The following SCN7A variants were observed in gnomAD, a reference collection of about 807,000 sequenced individuals.
SCN7A encodes the protein sodium channel protein type 7 subunit alpha.
SCN7A carries 138 observed loss-of-function variants against 155.2 expected under a neutral mutation model. The ratio of observed to expected loss-of-function variants is 0.89; its 90% CI spans 0.77 to 1.02. The LOEUF is 1.02. Ranked by LOEUF, SCN7A falls within the 50% of genes least tolerant of loss-of-function variation. SCN7A has a pLI of 0.00. For missense variants in SCN7A, 2,058 were observed against 1,986.6 expected, an observed-to-expected ratio of 1.04 and a Z score of -0.68; for synonymous variants, 693 against 649.0, an observed-to-expected ratio of 1.07 and a Z score of -1.03.
At chr2:166,463,643 T>C (rs910742638) in intron 9 of SCN7A, among the ~76,000 whole-genome samples, 5 of 152,094 alleles carry the variant, frequency 3.3e-5, no homozygotes, top group Non-Finnish European at 5.9e-5. Flanking sequence ...TATTTGAGCT[T>C]GGAATGTACA....
intron 6 of SCN7A, among the ~76,000 whole-genome samples, chr2:166,470,941 CTG>C (rs1178651697): frequency 2.0e-5 from 3 of 151,846 alleles, no homozygotes; most frequent in Admixed American, 6.6e-5. Flanking sequence ...AAGTTTGACA[CTG>C]TGAATGCTCA....
intron 14 of SCN7A, among the ~76,000 whole-genome samples, chr2:166,442,258 T>A (rs746237557): frequency 1.2e-4 from 18 of 152,208 alleles, no homozygotes; most frequent in Non-Finnish European, 1.9e-4. Context: ...TCACTAGATT[T>A]TTTCAAATTT....
intron 2 of SCN7A, 123 bp from the exon 3 acceptor site, chr2:166,477,833 T>A: frequency 1.8e-6 from 1 of 542,798 alleles, no homozygotes; most frequent in Non-Finnish European, 3.0e-6. Context: ...ATTCCTTAGT[T>A]TTGTAGAAAT....
chr2:166,431,120 T>G (rs1258649280), intron 16 of SCN7A, among the ~76,000 whole-genome samples: 3 of 152,060 alleles, frequency 2.0e-5, no homozygotes, highest in Admixed American at 6.6e-5. Flanking sequence ...CACTCCAACA[T>G]GCTGTGCTGT....
chr2:166,405,953 A>G lies in SCN7A; in HGVS notation c.4676T>C (p.Leu1559Pro). ...AGCCATGGGGAGGTCCAAAGCAATG[A>G]GCTGGCCCTTGTTTGGTTTTGCCAT... Reference protein sequence around the residue: ...LFMAKPNKGQLIALDLPMAVG... With the variant: ...LFMAKPNKGQPIALDLPMAVG... The change falls in exon 26 of 26, where the codon CTC becomes CCC. Residue 1559 changes from leucine (L) to proline (P), a missense_variant. Leu to Pro is a moderately conservative substitution (Grantham distance 98). Coordinates refer to ENST00000643258, the MANE Select transcript of SCN7A (RefSeq NM_002976.4). The G allele has an allele frequency of 1.2e-6, 2 of 1,613,014 alleles. No individual in the cohort carries two copies. Among genetic ancestry groups the G allele is most frequent in the Non-Finnish European group, 1.7e-6 (2 of 1,179,382 alleles).
Position 166,410,210 on chromosome 2 carries a change from AT to A in SCN7A, c.3711+9del, listed in dbSNP as rs1559085375. The A allele has an allele frequency of 2.0e-6, 3 of 1,524,348 alleles. No homozygotes were observed. Among genetic ancestry groups the A allele is most frequent in the Non-Finnish European group, 2.7e-6 (3 of 1,130,466 alleles). 94.4% of individuals were successfully genotyped at this position (1,524,348 alleles called of 1,614,324 possible). On this transcript the variant is annotated intron_variant, in intron 24 of 25. Transcript: ENST00000643258. ...CATTGAAGTTTCAAAAAATCTAGACATTTTCTTACTAATGGGCGAGGTACTG... is the reference window on the plus strand; with the variant it reads ...CATTGAAGTTTCAAAAAATCTAGACATTTCTTACTAATGGGCGAGGTACTG...
In SCN7A at chr2:166,427,951, AT is replaced by A. The variant is rs1701659449; in HGVS notation, c.2699-10del. The A allele has an allele frequency of 6.2e-7, 1 of 1,612,188 alleles. No individual in the cohort carries two copies. On this transcript the variant is annotated splice_polypyrimidine_tract_variant and intron_variant, in intron 17 of 25. Transcript: ENST00000643258. ...AGATCCGCGTCTGCAACCTGTCAAG[AT>A]TGAATTGGTAAGAACAACAATCTAG...
chr2:166,425,191 G>C (rs1337019665), intron 18 of SCN7A, among the ~76,000 whole-genome samples: 2 of 152,096 alleles, frequency 1.3e-5, no homozygotes, highest in African/African-American at 4.8e-5. Flanking sequence ...GCCTACAATA[G>C]GGTAGGTGTC....
chr2:166,444,614 G>A (rs1702022917), intron 13 of SCN7A, 148 bp downstream of exon 13: 1 of 591,546 alleles, frequency 1.7e-6, no homozygotes, highest in South Asian at 2.3e-5. Context: ...GAGGGATAAA[G>A]CATAAACACA....
Position 166,419,668 on chromosome 2 carries a change from G to C in SCN7A, c.3135+1522C>G, listed in dbSNP as rs562617880. Among the ~76,000 whole-genome samples the C allele has an allele frequency of 3.3e-5, 5 of 152,082 alleles. No individual in the cohort carries two copies. The South Asian group carries it at 1.0e-3, about 32-fold the overall frequency. ...AGGTGTAAGCCACCGTGCCTAGGCT[G>C]TTTTGTCATTTTAACTTCAATCTTA... On this transcript the variant is annotated intron_variant, in intron 20 of 25. Transcript: ENST00000643258.
Position 166,405,736 on chromosome 2 carries a change from G to A in SCN7A, c.4893C>T (p.Ile1631=). ...KRKQEAVSAT[I]IQRAYKNYRL... ...GGTAATTTTTATAAGCACGTTGAAT[G>A]ATGGTTGCTGAAACTGCCTCTTGTT... Residue 1631 remains isoleucine (I), a synonymous_variant, in exon 26 of 26, where the codon ATC becomes ATT. Transcript: ENST00000643258. The A allele has an allele frequency of 6.2e-7, 1 of 1,613,030 alleles. No homozygotes were observed. The highest frequency in any genetic ancestry group is 8.5e-7 in the Non-Finnish European group (1 of 1,179,320).
At chr2:166,437,102 T>C (rs1455485616) in intron 15 of SCN7A, among the ~76,000 whole-genome samples, 1 of 152,244 alleles carries the variant, frequency 6.6e-6, no homozygotes, top group Non-Finnish European at 1.5e-5. Context: ...GTCAGAGACC[T>C]TGGCAGCAGC....
At chr2:166,443,739 A>C in intron 13 of SCN7A, 63 bp from the exon 14 acceptor site, 1 of 1,218,238 alleles carries the variant, frequency 8.2e-7, no homozygotes, top group South Asian at 1.6e-5. Context: ...GAATCTTCAC[A>C]CACAAAATCT....
At chr2:166,461,950 G>A (rs190746921) in intron 10 of SCN7A, 4 of 153,966 alleles carry the variant, frequency 2.6e-5, no homozygotes, top group East Asian at 1.9e-4. Flanking sequence ...TTAGCCGGGC[G>A]AGGTGGCGTG....
chr2:166,462,614 T>C lies in SCN7A; in HGVS notation c.942-84A>G, dbSNP rs534843494. ...AATCATAAATATAGAACATCAGTCCTGAGTAATAGAGAACTCACGCTTCCA... is the reference window on the plus strand; with the variant it reads ...AATCATAAATATAGAACATCAGTCCCGAGTAATAGAGAACTCACGCTTCCA... On this transcript the variant is annotated intron_variant, in intron 9 of 25. Transcript: ENST00000643258. 8.1e-5 allele frequency: 107 copies of C among 1,322,608 alleles called. 1 individual carries two copies. In the South Asian group the frequency reaches 1.5e-3, roughly 18 times the overall value. 81.9% of individuals were successfully genotyped at this position (1,322,608 alleles called of 1,614,324 possible). A position where few individuals can be genotyped will look rare whatever the true frequency, so the allele number is the denominator to read the frequency against.
Position 166,404,379 on chromosome 2 carries a change from T to C in SCN7A, c.*1201A>G, listed in dbSNP as rs922686582. 2.6e-5 allele frequency: 4 copies of C among 151,878 alleles called. No homozygotes were observed. The highest frequency in any genetic ancestry group is 9.7e-5 in the African/African-American group (4 of 41,376). The allele number at this position is 151,878 out of a possible 1,614,324, so 9.4% of individuals were successfully genotyped here. On this transcript the variant is annotated 3_prime_UTR_variant, in exon 26 of 26. Coordinates refer to ENST00000643258, the MANE Select transcript of SCN7A (RefSeq NM_002976.4). Reference sequence around the variant, plus strand: ...TTTGAATATAAAACATTTTATAGAGTATGGATGTATATGATGAGATTAAAA... The same window carrying C: ...TTTGAATATAAAACATTTTATAGAGCATGGATGTATATGATGAGATTAAAA...
At chr2:166,420,821 T>C (rs1028063359) in intron 20 of SCN7A, among the ~76,000 whole-genome samples, 4 of 152,014 alleles carry the variant, frequency 2.6e-5, no homozygotes, top group East Asian at 3.9e-4. Flanking sequence ...ACAATGTTTG[T>C]ATAATTTTAA....
intron 13 of SCN7A, among the ~76,000 whole-genome samples, chr2:166,443,877 C>T (rs1312026257): frequency 2.0e-5 from 3 of 152,126 alleles, no homozygotes; most frequent in Non-Finnish European, 2.9e-5. Context: ...ATGTCAAACA[C>T]TATATACAGA....
At chr2:166,475,137 T>TATATAC (rs1553520569) in intron 3 of SCN7A, among the ~76,000 whole-genome samples, 2 of 133,868 alleles carry the variant, frequency 1.5e-5, no homozygotes, top group Non-Finnish European at 3.2e-5. Context: ...TATATATATA[T>TATATAC]ACACACACAC....
Sources: allele counts gnomAD v4.1 joint callset (sites outside exome capture counted in the v4.1 genomes callset), GRCh38; gene constraint gnomAD v4.1.1; transcripts MANE v1.5; gene names NCBI Gene and HGNC (gene_info 2026-07-23, HGNC 2026-07-21).